ST6GALNAC5: variants seen among roughly 807,000 people sequenced by gnomAD.
The protein encoded by ST6GALNAC5 is ST6 N-acetylgalactosaminide alpha-2,6-sialyltransferase 5.
In ST6GALNAC5, 27 loss-of-function variants were observed where a neutral mutation model predicts 33.6. That is an observed-to-expected ratio of 0.80 (90% CI 0.59 to 1.11). The LOEUF is 1.11. ST6GALNAC5 is among the 50% of genes least tolerant of loss of function. The pLI is 0.00. For synonymous variants in ST6GALNAC5, 194 were observed against 171.2 expected (o/e 1.13, Z -1.04); for missense variants, 428 against 454.0 (o/e 0.94, Z 0.52).
chr1:76,975,691 T>C (rs1648981753), intron 2 of ST6GALNAC5, among the ~76,000 whole-genome samples: 1 of 152,202 alleles, frequency 6.6e-6, no homozygotes, highest in Non-Finnish European at 1.5e-5. Context: ...CTGTGTGATA[T>C]GATTTGCATA....
intron 2 of ST6GALNAC5, among the ~76,000 whole-genome samples, chr1:76,914,844 A>T (rs1236902296): frequency 6.6e-6 from 1 of 152,224 alleles, no homozygotes; most frequent in Non-Finnish European, 1.5e-5. Flanking sequence ...GACAAATGGG[A>T]TCTAATTAAA....
chr1:77,046,227 C>A (rs751210733), intron 3 of ST6GALNAC5, among the ~76,000 whole-genome samples: 1 of 152,036 alleles, frequency 6.6e-6, no homozygotes, highest in Middle Eastern at 3.2e-3. Flanking sequence ...CCAGTGTGAG[C>A]AACATAGCAA....
At chr1:76,977,857 A>G (rs1649074963) in intron 2 of ST6GALNAC5, among the ~76,000 whole-genome samples, 1 of 152,132 alleles carries the variant, frequency 6.6e-6, no homozygotes, top group Non-Finnish European at 1.5e-5. Flanking sequence ...GCATTGCTGT[A>G]TCATATGATA....
At chr1:76,873,890 C>T (rs1041339486) in intron 2 of ST6GALNAC5, among the ~76,000 whole-genome samples, 1 of 152,132 alleles carries the variant, frequency 6.6e-6, no homozygotes, top group Non-Finnish European at 1.5e-5. Flanking sequence ...CTAGTAGTTT[C>T]AAAATTGAGC....
chr1:76,965,696 G>A (rs1406228228), intron 2 of ST6GALNAC5, among the ~76,000 whole-genome samples: 3 of 152,170 alleles, frequency 2.0e-5, no homozygotes, highest in African/African-American at 7.2e-5. Flanking sequence ...CCTATGTCCT[G>A]AAAGGTATTG....
intron 2 of ST6GALNAC5, among the ~76,000 whole-genome samples, chr1:76,964,256 A>T (rs970432978): frequency 2.0e-5 from 3 of 152,166 alleles, no homozygotes; most frequent in Non-Finnish European, 2.9e-5. Context: ...CACTTGTCTG[A>T]AGTACTTACT....
chr1:76,914,113 T>A (rs372380134), intron 2 of ST6GALNAC5, among the ~76,000 whole-genome samples: 19 of 152,176 alleles, frequency 1.2e-4, no homozygotes, highest in African/African-American at 4.1e-4. Context: ...AATAAAATAC[T>A]TAGGAATCCA....
intron 2 of ST6GALNAC5, among the ~76,000 whole-genome samples, chr1:76,955,919 G>A (rs1017295331): frequency 2.6e-5 from 4 of 152,098 alleles, no homozygotes; most frequent in East Asian, 1.9e-4. Context: ...TTGTTCTTAT[G>A]GTTTAAAATA....
chr1:77,037,232 T>C (rs965715145), intron 2 of ST6GALNAC5, among the ~76,000 whole-genome samples: 1 of 152,138 alleles, frequency 6.6e-6, no homozygotes, highest in Non-Finnish European at 1.5e-5. Context: ...AAAAATGAAA[T>C]CATGTCCTTT....
At chr1:76,988,716 TCTC>T (rs1208113789) in intron 2 of ST6GALNAC5, among the ~76,000 whole-genome samples, 10 of 152,082 alleles carry the variant, frequency 6.6e-5, no homozygotes, top group Admixed American at 1.3e-4. Flanking sequence ...CTTTCCCTCT[TCTC>T]CTCTCAATGT....
chr1:76,880,269 A>G (rs1216370905), intron 2 of ST6GALNAC5, among the ~76,000 whole-genome samples: 1 of 152,168 alleles, frequency 6.6e-6, no homozygotes, highest in Non-Finnish European at 1.5e-5. Context: ...GCCAAGGACT[A>G]TCAGTGTTTT....
intron 2 of ST6GALNAC5, among the ~76,000 whole-genome samples, chr1:76,912,895 A>G (rs1646929299): frequency 6.6e-6 from 1 of 151,750 alleles, no homozygotes. Context: ...GTGTCTTTTA[A>G]TTGGAGCATT....
chr1:76,868,351 T>C lies in ST6GALNAC5; in HGVS notation c.16-146T>C, dbSNP rs542021134. On this transcript the variant is annotated intron_variant, in intron 1 of 4. Coordinates refer to ENST00000477717, the MANE Select transcript of ST6GALNAC5 (RefSeq NM_030965.3). The surrounding 1 kb of genome is among the most constrained non-coding windows in gnomAD (Gnocchi z 4.3). ...ACGCTAGGGGACGGTGCTTTCTCTGTCCCAGTTGCGTGCGGCGGGGCTGGG... is the reference window on the plus strand; with the variant it reads ...ACGCTAGGGGACGGTGCTTTCTCTGCCCCAGTTGCGTGCGGCGGGGCTGGG... 71 of 1,267,140 alleles carry C rather than the reference T, an allele frequency of 5.6e-5. 1 individual carries two copies. In the South Asian group the frequency reaches 1.1e-3, roughly 20 times the overall value. The allele number at this position is 1,267,140 out of a possible 1,614,324, so 78.5% of individuals were successfully genotyped here. A position where few individuals can be genotyped will look rare whatever the true frequency, so the allele number is the denominator to read the frequency against.
chr1:76,964,207 TA>T (rs1013090696), intron 2 of ST6GALNAC5, among the ~76,000 whole-genome samples: 17 of 151,512 alleles, frequency 1.1e-4, no homozygotes, highest in African/African-American at 3.4e-4. Flanking sequence ...ACAGCAGCTA[TA>T]AAAAAAAATA....
At chr1:76,939,678 A>G (rs913268289) in intron 2 of ST6GALNAC5, among the ~76,000 whole-genome samples, 2 of 152,098 alleles carry the variant, frequency 1.3e-5, no homozygotes, top group Non-Finnish European at 2.9e-5. Context: ...TGTGATCTGT[A>G]CGCATAGTGG....
intron 2 of ST6GALNAC5, among the ~76,000 whole-genome samples, chr1:77,014,345 C>A (rs186150398): frequency 6.6e-6 from 1 of 152,094 alleles, no homozygotes; most frequent in African/African-American, 2.4e-5. Context: ...TTTATGCTGG[C>A]GGATAGGCAT....
At chr1:77,018,923 G>A (rs943307014) in intron 2 of ST6GALNAC5, among the ~76,000 whole-genome samples, 1 of 152,200 alleles carries the variant, frequency 6.6e-6, no homozygotes, top group Non-Finnish European at 1.5e-5. Flanking sequence ...AGATGCAAAT[G>A]GCATTTCACA....
chr1:77,000,208 C>T (rs1423285038), intron 2 of ST6GALNAC5, among the ~76,000 whole-genome samples: 175 of 101,752 alleles, frequency 1.7e-3, no homozygotes, highest in African/African-American at 4.8e-3. Context: ...TGGTATCTCA[C>T]TGTGGTTTTG....
At chr1:76,870,380 G>C (rs949733067) in intron 2 of ST6GALNAC5, among the ~76,000 whole-genome samples, 1 of 152,210 alleles carries the variant, frequency 6.6e-6, no homozygotes, top group African/African-American at 2.4e-5. Flanking sequence ...GTGAAGCTTT[G>C]ATTAATGGCA....
Sources: gnomAD v4.1 joint callset for allele counts (sites outside exome capture counted in the v4.1 genomes callset) on GRCh38, gnomAD v4.1.1 for gene constraint, Gnocchi (gnomAD v3.1) non-coding constraint, MANE v1.5 for transcripts, NCBI Gene and HGNC (gene_info 2026-07-23, HGNC 2026-07-21) for gene names.